The following HTR2C variants were observed in gnomAD, a reference collection of about 807,000 sequenced individuals.
The protein encoded by HTR2C is 5-hydroxytryptamine (serotonin) receptor 2C, G protein-coupled.
HTR2C carries 5 observed loss-of-function variants against 21.0 expected under a neutral mutation model. The ratio of observed to expected loss-of-function variants is 0.24; its 90% CI spans 0.12 to 0.50. The LOEUF is 0.50. Among genes scored for constraint, HTR2C ranks in the 20% least tolerant of loss-of-function variants. The pLI, the probability that HTR2C is intolerant of heterozygous loss-of-function variation, is 0.98. For synonymous variants in HTR2C, 150 were observed against 145.3 expected, an observed-to-expected ratio of 1.03 and a Z score of -0.23; for missense variants, 271 against 371.2, an observed-to-expected ratio of 0.73 and a Z score of 2.22.
chrX:114,799,997 A>G (rs948783807), intron 4 of HTR2C, among the ~76,000 whole-genome samples: 2 of 111,207 alleles, frequency 1.8e-5, no homozygotes, highest in East Asian at 2.8e-4. Context: ...TGTGTGAGGC[A>G]CTGTTCTAGA....
At chrX:114,813,495 C>T (rs1003914481) in intron 4 of HTR2C, among the ~76,000 whole-genome samples, 4 of 111,867 alleles carry the variant, frequency 3.6e-5, no homozygotes, top group Admixed American at 9.5e-5. Flanking sequence ...GTAACCCAGG[C>T]GAAGATTTTA....
chrX:114,764,056 T>C (rs2069910157), intron 4 of HTR2C, among the ~76,000 whole-genome samples: 1 of 111,895 alleles, frequency 8.9e-6, no homozygotes, highest in African/African-American at 3.3e-5. Context: ...TCTAGAGTCT[T>C]CTACCTCTGG....
intron 4 of HTR2C, among the ~76,000 whole-genome samples, chrX:114,836,800 T>C (rs1359541059): frequency 8.9e-6 from 1 of 112,387 alleles, no homozygotes; most frequent in African/African-American, 3.2e-5. Context: ...ATTGATTGAT[T>C]TTTTTCAGAT....
intron 4 of HTR2C, among the ~76,000 whole-genome samples, chrX:114,826,270 CTA>C (rs1216771858): frequency 1.8e-5 from 2 of 109,960 alleles, no homozygotes; most frequent in East Asian, 5.7e-4. Context: ...CAGGATCTCC[CTA>C]TGTTTCCCAG....
At chrX:114,652,262 A>G (rs1930604459) in intron 2 of HTR2C, among the ~76,000 whole-genome samples, 1 of 111,633 alleles carries the variant, frequency 9.0e-6, no homozygotes, top group African/African-American at 3.2e-5. Context: ...TCCAAGTATA[A>G]AATGTACTTG....
chrX:114,732,279 C>T (rs1170876026), intron 4 of HTR2C, among the ~76,000 whole-genome samples: 1 of 111,056 alleles, frequency 9.0e-6, no homozygotes, highest in Non-Finnish European at 1.9e-5. Context: ...TCATTTTAAC[C>T]TAAGGTTTTG....
chrX:114,850,651 A>T (rs1556468985), intron 5 of HTR2C, among the ~76,000 whole-genome samples: 1 of 110,981 alleles, frequency 9.0e-6, no homozygotes, highest in Non-Finnish European at 1.9e-5. Flanking sequence ...CTTGATGAGA[A>T]AGCAACACTT....
chrX:114,824,756 G>A (rs2070664152), intron 4 of HTR2C, among the ~76,000 whole-genome samples: 2 of 112,103 alleles, frequency 1.8e-5, no homozygotes, highest in African/African-American at 3.2e-5. Context: ...ATCTTAGGCT[G>A]AAAAACAGGC....
intron 2 of HTR2C, among the ~76,000 whole-genome samples, chrX:114,639,250 AT>A (rs1283554997): frequency 8.9e-6 from 1 of 112,314 alleles, no homozygotes; most frequent in Non-Finnish European, 1.9e-5. Flanking sequence ...CCATTTATTG[AT>A]GAGTAAATTG....
At chrX:114,656,746 C>T (rs1930796281) in intron 2 of HTR2C, among the ~76,000 whole-genome samples, 1 of 110,391 alleles carries the variant, frequency 9.1e-6, no homozygotes, top group African/African-American at 3.3e-5. Context: ...ACACAGAAAC[C>T]TTCTCATGGA....
At chrX:114,633,953 G>T (rs781783042) in intron 2 of HTR2C, among the ~76,000 whole-genome samples, 129 of 104,635 alleles carry the variant, frequency 1.2e-3, no homozygotes, top group Middle Eastern at 5.2e-3. Flanking sequence ...TATATAGAGA[G>T]AGAGAGAGAG....
At chrX:114,697,655 T>C (rs782300619) in intron 2 of HTR2C, among the ~76,000 whole-genome samples, 2 of 112,573 alleles carry the variant, frequency 1.8e-5, no homozygotes, top group African/African-American at 3.2e-5. Context: ...TGCTACATCC[T>C]GCAATTCTTC....
chrX:114,596,457 G>A (rs183593187), intron 1 of HTR2C, among the ~76,000 whole-genome samples: 24 of 111,582 alleles, frequency 2.2e-4, no homozygotes, highest in African/African-American at 7.2e-4. Context: ...ATTGGATATA[G>A]GCTATTACCT....
At chrX:114,764,884 T>TTTCC (rs2069924162) in intron 4 of HTR2C, among the ~76,000 whole-genome samples, 1 of 52,332 alleles carries the variant, frequency 1.9e-5, no homozygotes, top group East Asian at 1.3e-3. Flanking sequence ...TCTTTCTTTC[T>TTTCC]TTCTTTCTTT....
chrX:114,891,686 C>A (rs1239128971), intron 5 of HTR2C, among the ~76,000 whole-genome samples: 1 of 110,240 alleles, frequency 9.1e-6, no homozygotes, highest in African/African-American at 3.3e-5. Context: ...AGGAAGAAAG[C>A]GAACCACAGA....
intron 4 of HTR2C, among the ~76,000 whole-genome samples, chrX:114,826,762 GCTAT>G (rs1251026818): frequency 1.8e-5 from 2 of 110,324 alleles, no homozygotes; most frequent in Admixed American, 9.7e-5. Context: ...ATCCAAAATC[GCTAT>G]CTCTTTCCTT....
Position 114,761,879 on chromosome X carries a change from A to ATATATGTGTATATATACATATATGTG in HTR2C, c.349+30277_349+30278insGTGTATATATACATATATGTGTATAT, listed in dbSNP as rs2069871652. Among the ~76,000 whole-genome samples, 36 of 15,195 alleles carry ATATATGTGTATATATACATATATGTG rather than the reference A, an allele frequency of 2.4e-3. 2 individuals are homozygous for ATATATGTGTATATATACATATATGTG. The highest frequency in any genetic ancestry group is 7.4e-3 in the Non-Finnish European group (32 of 4,351). 13.2% of individuals were successfully genotyped at this position (15,195 alleles called of 115,157 possible). A position where few individuals can be genotyped will look rare whatever the true frequency, so the allele number is the denominator to read the frequency against. The stretch of plus-strand genomic sequence containing the variant: ...ACTCTCTATCTCTCTCTCTCTATAT[A>ATATATGTGTATATATACATATATGTG]TATATATATGTGTATATATACATAT... On this transcript the variant is annotated intron_variant, in intron 4 of 5. Transcript: ENST00000276198.
chrX:114,750,686 CAGA>C (rs1456698806), intron 4 of HTR2C, among the ~76,000 whole-genome samples: 3 of 112,202 alleles, frequency 2.7e-5, no homozygotes, highest in Admixed American at 9.5e-5. Flanking sequence ...TGGTAATTCA[CAGA>C]AGGACACATA....
intron 5 of HTR2C, among the ~76,000 whole-genome samples, chrX:114,889,894 G>A (rs1307931724): frequency 9.0e-6 from 1 of 111,578 alleles, no homozygotes; most frequent in Non-Finnish European, 1.9e-5. Flanking sequence ...GGAAAGGAAC[G>A]GTTCTTAGTG....
Sources: allele counts gnomAD v4.1 joint callset (sites outside exome capture counted in the v4.1 genomes callset), GRCh38; gene constraint gnomAD v4.1.1; transcripts MANE v1.5; gene names NCBI Gene and HGNC (gene_info 2026-07-23, HGNC 2026-07-21).